Variants in DMD observed in about 807,000 individuals in gnomAD.
DMD encodes the protein mutant dystrophin.
In DMD, 63 loss-of-function variants were observed where a neutral mutation model predicts 330.1. The ratio of observed to expected loss-of-function variants is 0.19; its 90% CI spans 0.16 to 0.24. The LOEUF (loss-of-function observed/expected upper bound fraction) is 0.24. Ranked by LOEUF, DMD falls within the 10% of genes least tolerant of loss-of-function variation. The probability of loss-of-function intolerance (pLI) is 1.00; values close to 1 mark genes in which losing one functional copy is unlikely to be tolerated. For missense variants in DMD, 3,344 were observed against 2,684.1 expected (o/e 1.25, Z -5.43); for synonymous variants, 1,223 against 959.8 (o/e 1.27, Z -5.07).
rs143538389 is a variant in DMD, at chrX:32,365,137, C to T, written c.4908G>A (p.Glu1636=). Residue 1636 remains glutamate (E), a synonymous_variant, in exon 35 of 79, where the codon GAG becomes GAA. Transcript: ENST00000357033. ...VHLKSITEVG[E]ALKTVLGKKE... is the part of the protein sequence containing the mutation. ...TCTTGCCCAAAACTGTTTTCAAGGC[C>T]TCTCCTACCTCTGTGATACTCTTCA... The T allele has an allele frequency of 1.3e-5, 16 of 1,208,687 alleles. No individual in the cohort carries two copies. The Admixed American group carries it at 1.5e-4, about 12-fold the overall frequency.
chrX:32,834,980 A>G lies in DMD; in HGVS notation c.264+9803T>C, dbSNP rs73219721. Among the ~76,000 whole-genome samples, 443 of 111,350 alleles carry G rather than the reference A, an allele frequency of 4.0e-3. 1 individual carries two copies. The highest frequency in any genetic ancestry group is 7.1e-3 in the South Asian group (19 of 2,666). ...TAATACATCTTGGGGAGCGGGGGGT[A>G]GTTTAAAGCACCACAGTTAAATCTC... On this transcript the variant is annotated intron_variant, in intron 4 of 78. Coordinates refer to ENST00000357033, the MANE Select transcript of DMD (RefSeq NM_004006.3).
chrX:33,103,424 G>T (rs1397081381), intron 1 of DMD, among the ~76,000 whole-genome samples: 1 of 110,396 alleles, frequency 9.1e-6, no homozygotes, highest in Non-Finnish European at 1.9e-5. Context: ...CAAAAGAAGT[G>T]GAAATGGCCT....
At chrX:32,527,930 G>A (rs957032376) in intron 17 of DMD, among the ~76,000 whole-genome samples, 8 of 111,804 alleles carry the variant, frequency 7.2e-5, no homozygotes, top group African/African-American at 2.6e-4. Flanking sequence ...TGATTGTCTT[G>A]TATTTTGTAA....
At chrX:31,838,966 C>G (rs1297695594) in intron 48 of DMD, among the ~76,000 whole-genome samples, 1 of 111,904 alleles carries the variant, frequency 8.9e-6, no homozygotes, top group Non-Finnish European at 1.9e-5. Context: ...TATGTTATTT[C>G]TAAGCATTAA....
At chrX:32,929,611 G>A (rs2089407040) in intron 2 of DMD, among the ~76,000 whole-genome samples, 1 of 110,947 alleles carries the variant, frequency 9.0e-6, no homozygotes, top group African/African-American at 3.3e-5. Flanking sequence ...TGTGCAGAAC[G>A]TGCAGGTTTG....
At chrX:32,933,724 AGTGACGAGAGT>A (rs1364945884) in intron 2 of DMD, among the ~76,000 whole-genome samples, 1 of 111,914 alleles carries the variant, frequency 8.9e-6, no homozygotes, top group Non-Finnish European at 1.9e-5. Context: ...TCAGAGAGGC[AGTGACGAGAGT>A]GTTATCTCGA....
chrX:31,248,017 T>G (rs2048996438), intron 63 of DMD, among the ~76,000 whole-genome samples: 1 of 111,850 alleles, frequency 8.9e-6, no homozygotes, highest in South Asian at 3.8e-4. Flanking sequence ...CACCCCAACC[T>G]TCAGCAACCA....
intron 62 of DMD, among the ~76,000 whole-genome samples, chrX:31,310,170 C>T (rs2055357113): frequency 1.1e-5 from 1 of 90,555 alleles, no homozygotes; most frequent in African/African-American, 4.5e-5. Context: ...GTTTCCTCTT[C>T]GTTGTCCTCT....
rs1291433838 is a variant in DMD at position 32,806,310 on chromosome X, T to A, written c.649+3183A>T. 2.0e-4 allele frequency among the ~76,000 whole-genome samples: 22 copies of A among 110,324 alleles called. No individual in the cohort carries two copies. In the Admixed American group the frequency reaches 2.1e-3, roughly 11 times the overall value. On this transcript the variant is annotated intron_variant, in intron 7 of 78. Transcript: ENST00000357033. ...AATTCTATTCTCTGATAAAATAGAC[T>A]TTAAACTAACAAAGATTTAAAAAAA...
intron 2 of DMD, among the ~76,000 whole-genome samples, chrX:32,969,027 C>CAAAAAAAAAAAAAAAAAAAAAAAAAA (rs142087164): frequency 2.0e-4 from 4 of 19,823 alleles, no homozygotes; most frequent in Non-Finnish European, 3.7e-4. Flanking sequence ...GATTCTGTCT[C>CAAAAAAAAAAAAAAAAAAAAAAAAAA]AAAAAAAAAA....
intron 17 of DMD, among the ~76,000 whole-genome samples, chrX:32,542,764 G>T (rs1158028921): frequency 8.9e-6 from 1 of 111,868 alleles, no homozygotes; most frequent in African/African-American, 3.2e-5. Context: ...TAATGAATTT[G>T]TTCCTAAATG....
intron 7 of DMD, among the ~76,000 whole-genome samples, chrX:32,701,690 A>T (rs1418405231): frequency 9.0e-6 from 1 of 111,315 alleles, no homozygotes; most frequent in Non-Finnish European, 1.9e-5. Context: ...AGAAAACAAA[A>T]AGGGTTGAGC....
chrX:31,874,082 A>G (rs1275141667), intron 48 of DMD, among the ~76,000 whole-genome samples: 2 of 111,746 alleles, frequency 1.8e-5, no homozygotes, highest in Non-Finnish European at 3.8e-5. Flanking sequence ...GGAGATGAAT[A>G]AAAAGGTTTA....
At chrX:33,190,890 TTATATATTATATA>T (rs1286033503) in intron 1 of DMD, among the ~76,000 whole-genome samples, 37 of 784 alleles carry the variant, frequency 0.047, 7 homozygotes, top group East Asian at 0.17. Context: ...ATATATAATA[TTATATATTATATA>T]ATATATAATA....
At chrX:32,859,106 T>C (rs1321132306) in intron 2 of DMD, among the ~76,000 whole-genome samples, 1 of 111,485 alleles carries the variant, frequency 9.0e-6, no homozygotes, top group Non-Finnish European at 1.9e-5. Flanking sequence ...AAATATAGAT[T>C]GATTTTTATG....
In DMD at chrX:32,565,589, C is replaced by G. The variant is rs1306452883; in HGVS notation, c.1992+113G>C. 3.8e-5 allele frequency: 29 copies of G among 770,641 alleles called. No homozygotes were observed. The Admixed American group carries it at 7.8e-4, about 21-fold the overall frequency. The allele number at this position is 770,641 out of a possible 1,213,427, so 63.5% of individuals were successfully genotyped here. On this transcript the variant is annotated intron_variant, in intron 16 of 78. Transcript: ENST00000357033. ...AATCATGTTTTTATTTAACTAAACA[C>G]AGGGCAAAAACTAATCTGGTTGCTT...
chrX:32,340,066 T>C (rs2097733780), intron 41 of DMD, among the ~76,000 whole-genome samples: 2 of 112,005 alleles, frequency 1.8e-5, no homozygotes, highest in Non-Finnish European at 3.8e-5. Flanking sequence ...TTAAAATGCA[T>C]TGACAATTGG....
intron 60 of DMD, among the ~76,000 whole-genome samples, chrX:31,351,085 G>A (rs1441675395): frequency 9.1e-6 from 1 of 109,600 alleles, no homozygotes; most frequent in Admixed American, 9.9e-5. Flanking sequence ...AGCAGGTCAT[G>A]GGACTTCTTA....
At chrX:32,060,063 G>C (rs1257664963) in intron 44 of DMD, among the ~76,000 whole-genome samples, 2 of 110,217 alleles carry the variant, frequency 1.8e-5, no homozygotes, top group Admixed American at 9.7e-5. Context: ...TGACCTGTCT[G>C]CTCGAAAGCC....
Sources: allele counts gnomAD v4.1 joint callset (sites outside exome capture counted in the v4.1 genomes callset), GRCh38; gene constraint gnomAD v4.1.1; transcripts MANE v1.5; gene names NCBI Gene and HGNC (gene_info 2026-07-23, HGNC 2026-07-21).